Variants in IGF2R observed in about 807,000 individuals in gnomAD.
IGF2R encodes insulin like growth factor 2 receptor.
Under a neutral mutation model 270.6 loss-of-function variants are expected in IGF2R, and 91 were observed. That is an observed-to-expected ratio of 0.34 (90% CI 0.28 to 0.40). The LOEUF (loss-of-function observed/expected upper bound fraction) is 0.40, where lower values mean the gene tolerates loss of function less well. Ranked by LOEUF, IGF2R falls within the 10% of genes least tolerant of loss-of-function variation. The probability of loss-of-function intolerance (pLI) is 1.00; values close to 1 mark genes in which losing one functional copy is unlikely to be tolerated. For missense variants in IGF2R, 2,805 were observed against 3,188.3 expected, an observed-to-expected ratio of 0.88 and a Z score of 2.90; for synonymous variants, 1,316 against 1,258.9, an observed-to-expected ratio of 1.05 and a Z score of -0.96.
chr6:159,980,212 A>AAGG (rs1783767535), intron 1 of IGF2R, among the ~76,000 whole-genome samples: 1 of 79,500 alleles, frequency 1.3e-5, no homozygotes, highest in East Asian at 8.3e-4. Flanking sequence ...AGAAAGAAAG[A>AAGG]AAGAAAGAAA....
intron 45 of IGF2R, among the ~76,000 whole-genome samples, chr6:160,101,840 G>A (rs1020461129): frequency 5.9e-5 from 9 of 152,222 alleles, no homozygotes; most frequent in African/African-American, 2.2e-4. Context: ...TCATGGAAAC[G>A]CACTGCTTTT....
At chr6:160,076,096 T>C (rs946380042) in intron 36 of IGF2R, 100 bp downstream of exon 36, 9 of 1,151,362 alleles carry the variant, frequency 7.8e-6, no homozygotes, top group Non-Finnish European at 8.9e-6. Flanking sequence ...ATACTCTTAT[T>C]CAAAATGTCT....
intron 4 of IGF2R, among the ~76,000 whole-genome samples, chr6:160,016,611 G>A (rs1357664978): frequency 6.6e-6 from 1 of 152,236 alleles, no homozygotes. Flanking sequence ...CAATTGCACA[G>A]TGCTACGGCA....
At chr6:160,097,764 G>A (rs989937167) in intron 45 of IGF2R, among the ~76,000 whole-genome samples, 5 of 152,172 alleles carry the variant, frequency 3.3e-5, no homozygotes, top group South Asian at 2.1e-4. Context: ...CGACAGTGGT[G>A]GGGGTCATGG....
At chr6:159,991,527 G>T (rs1459171996) in intron 2 of IGF2R, among the ~76,000 whole-genome samples, 2 of 152,142 alleles carry the variant, frequency 1.3e-5, no homozygotes, top group Non-Finnish European at 2.9e-5. Flanking sequence ...AACTAGGTTG[G>T]TTCTGTCTAG....
intron 33 of IGF2R, 33 bp downstream of exon 33, chr6:160,072,917 C>T (rs1223328878): frequency 6.3e-7 from 1 of 1,583,388 alleles, no homozygotes; most frequent in South Asian, 1.2e-5. Context: ...TGTTGTCTGA[C>T]TCTCCCGTCC....
intron 41 of IGF2R, among the ~76,000 whole-genome samples, chr6:160,086,645 C>A (rs761849697): frequency 6.6e-6 from 1 of 152,146 alleles, no homozygotes; most frequent in African/African-American, 2.4e-5. Flanking sequence ...AAAAATTTTC[C>A]GTAAAACAGT....
chr6:160,085,563 C>T (rs1287226500), intron 41 of IGF2R, among the ~76,000 whole-genome samples: 4 of 152,114 alleles, frequency 2.6e-5, no homozygotes, highest in Non-Finnish European at 2.9e-5. Context: ...CAATTTTTCA[C>T]GGGAAATTGA....
At chr6:160,057,697 T>C (rs1345092505) in intron 20 of IGF2R, among the ~76,000 whole-genome samples, 2 of 152,260 alleles carry the variant, frequency 1.3e-5, no homozygotes, top group South Asian at 2.1e-4. Context: ...AAGATGTTTA[T>C]TTTCTTTAAG....
chr6:160,111,319 A>G lies in IGF2R; in HGVS notation c.*6235A>G, dbSNP rs1779735094. ...CACCTCTGGCACCCTTGGCACAGCAAGACCAACCCCCCACTTCCTCCTCCT... is the reference window on the plus strand; with the variant it reads ...CACCTCTGGCACCCTTGGCACAGCAGGACCAACCCCCCACTTCCTCCTCCT... On this transcript the variant is annotated 3_prime_UTR_variant, in exon 48 of 48. Transcript: ENST00000356956. 1 of 152,274 alleles carries G rather than the reference A, an allele frequency of 6.6e-6. No homozygotes were observed. Among genetic ancestry groups the G allele is most frequent in the Non-Finnish European group, 1.5e-5 (1 of 68,072 alleles). The allele number at this position is 152,274 out of a possible 1,614,324, so 9.4% of individuals were successfully genotyped here. A position where few individuals can be genotyped will look rare whatever the true frequency, so the allele number is the denominator to read the frequency against.
intron 2 of IGF2R, among the ~76,000 whole-genome samples, chr6:159,992,522 C>A (rs1783994446): frequency 6.6e-6 from 1 of 151,952 alleles, no homozygotes; most frequent in African/African-American, 2.4e-5. Context: ...TTGTTCAATT[C>A]ATGTTGCTGC....
intron 18 of IGF2R, among the ~76,000 whole-genome samples, chr6:160,049,856 A>G (rs1256189607): frequency 6.6e-6 from 1 of 152,218 alleles, no homozygotes; most frequent in East Asian, 1.9e-4. Context: ...ACGCTGAGAC[A>G]TTGGGGATTA....
At chr6:160,021,318 T>A (rs1401454325) in intron 4 of IGF2R, among the ~76,000 whole-genome samples, 2 of 151,438 alleles carry the variant, frequency 1.3e-5, no homozygotes. Context: ...CTGGAAACCA[T>A]CATTCTCAGC....
Position 160,091,738 on chromosome 6 carries a change from C to G in IGF2R, c.6655+1635C>G, listed in dbSNP as rs371755131. Reference sequence around the variant, plus strand: ...ACAGGTTGTGCCTTCTCTTGCTGTCCTCTTTCCCAGTGCTCGGTAAATCTT... The same window carrying G: ...ACAGGTTGTGCCTTCTCTTGCTGTCGTCTTTCCCAGTGCTCGGTAAATCTT... On this transcript the variant is annotated intron_variant, in intron 44 of 47. Coordinates refer to ENST00000356956, the MANE Select transcript of IGF2R (RefSeq NM_000876.4). Among the ~76,000 whole-genome samples the G allele has an allele frequency of 2.8e-4, 43 of 152,310 alleles. 1 individual carries two copies. In the East Asian group the frequency reaches 7.1e-3, roughly 25 times the overall value.
At chr6:160,017,814 G>A (rs983420410) in intron 4 of IGF2R, among the ~76,000 whole-genome samples, 11 of 152,156 alleles carry the variant, frequency 7.2e-5, no homozygotes, top group Admixed American at 2.6e-4. Context: ...AATGCTGAGG[G>A]AATTTGTCAG....
intron 19 of IGF2R, among the ~76,000 whole-genome samples, chr6:160,056,111 C>T (rs974621925): frequency 6.6e-6 from 1 of 152,152 alleles, no homozygotes; most frequent in African/African-American, 2.4e-5. Flanking sequence ...TTCTTGCATT[C>T]AACTTTTTGT....
At chr6:160,058,822 G>T (rs1283029077) in intron 21 of IGF2R, 84 bp from the exon 22 acceptor site, 2 of 1,174,714 alleles carry the variant, frequency 1.7e-6, no homozygotes, top group Admixed American at 2.1e-5. Flanking sequence ...TAACCTAGTG[G>T]GATTTGGAGT....
intron 2 of IGF2R, among the ~76,000 whole-genome samples, chr6:160,001,006 G>A (rs1412430829): frequency 6.6e-6 from 1 of 151,924 alleles, no homozygotes; most frequent in Non-Finnish European, 1.5e-5. Flanking sequence ...CAAAGTGCTG[G>A]GATTACAGGT....
chr6:159,980,217 A>AAAAGAGAG (rs1562330572), intron 1 of IGF2R, among the ~76,000 whole-genome samples: 2 of 89,908 alleles, frequency 2.2e-5, no homozygotes, highest in Non-Finnish European at 4.9e-5. Context: ...GAAAGAAAGA[A>AAAAGAGAG]AGAAAGAAAG....
Sources: allele counts gnomAD v4.1 joint callset (sites outside exome capture counted in the v4.1 genomes callset), GRCh38; gene constraint gnomAD v4.1.1; transcripts MANE v1.5; gene names NCBI Gene and HGNC (gene_info 2026-07-23, HGNC 2026-07-21).